The following EYS variants were observed in gnomAD, a reference collection of about 807,000 sequenced individuals.
EYS encodes the protein EGF-like photoreceptor maintenance factor.
In EYS, 250 loss-of-function variants were observed where a neutral mutation model predicts 282.1. That is an observed-to-expected ratio of 0.89 (90% CI 0.80 to 0.98). The LOEUF is 0.98. Ranked by LOEUF, EYS falls within the 50% of genes least tolerant of loss-of-function variation. The pLI, the probability that EYS is intolerant of heterozygous loss-of-function variation, is 0.00. For missense variants in EYS, 4,016 were observed against 3,709.0 expected, an observed-to-expected ratio of 1.08 and a Z score of -2.15; for synonymous variants, 1,355 against 1,282.9, an observed-to-expected ratio of 1.06 and a Z score of -1.20.
intron 1 of EYS, among the ~76,000 whole-genome samples, chr6:65,644,980 T>G (rs536619386): frequency 1.3e-5 from 2 of 152,184 alleles, no homozygotes; most frequent in East Asian, 1.9e-4. Context: ...AGGACTTATA[T>G]AACAATAACA....
intron 24 of EYS, among the ~76,000 whole-genome samples, chr6:64,611,377 C>T (rs143957100): frequency 6.6e-6 from 1 of 152,160 alleles, no homozygotes; most frequent in Non-Finnish European, 1.5e-5. Flanking sequence ...TCTTTCCTAA[C>T]GACTACTTTA....
At chr6:64,487,546 A>C (rs1364150391) in intron 26 of EYS, among the ~76,000 whole-genome samples, 1 of 150,948 alleles carries the variant, frequency 6.6e-6, no homozygotes, top group Non-Finnish European at 1.5e-5. Context: ...TTATCAGTGA[A>C]GTGTCAATAT....
At position 63,984,432 on chromosome 6, in the gene EYS, C is replaced by T. The variant is rs74848648; in HGVS notation, c.7006G>A (p.Val2336Ile). 7.3e-4 allele frequency: 1,134 copies of T among 1,549,586 alleles called. 8 individuals carry two copies. The African/African-American group carries it at 0.013, about 18-fold the overall frequency. ...CACAGATGATGAGCACACCAAGGGA[C>T]GTGGCAGTTCTCAATATTCTTTCCA... ...RHGKNIENCH[V>I]PWCAHHLCRN... The change falls in exon 35 of 43, where the codon GTC (valine) becomes ATC (isoleucine). Residue 2336 changes from valine to isoleucine, a missense_variant. Val to Ile is a conservative substitution (Grantham distance 29). Transcript: ENST00000503581.
intron 35 of EYS, among the ~76,000 whole-genome samples, chr6:63,903,866 A>G (rs1773713122): frequency 6.6e-6 from 1 of 152,210 alleles, no homozygotes; most frequent in Non-Finnish European, 1.5e-5. Flanking sequence ...ATTTAGTCTC[A>G]CTGTGTGAGA....
At chr6:64,175,563 C>G (rs78749362) in intron 31 of EYS, among the ~76,000 whole-genome samples, 9,724 of 152,274 alleles carry the variant, frequency 0.064, 415 homozygotes, top group Non-Finnish European at 0.092. Context: ...GCTTCTGTCT[C>G]TTTGTGGTGA....
chr6:64,421,069 C>T (rs780469556), intron 28 of EYS, among the ~76,000 whole-genome samples: 3 of 152,156 alleles, frequency 2.0e-5, no homozygotes, highest in Non-Finnish European at 2.9e-5. Flanking sequence ...TCCATTCTCA[C>T]ACTGCTAATA....
intron 22 of EYS, among the ~76,000 whole-genome samples, chr6:64,746,366 T>G (rs1052954225): frequency 6.6e-6 from 1 of 151,966 alleles, no homozygotes; most frequent in Non-Finnish European, 1.5e-5. Flanking sequence ...CCCTTCACCA[T>G]GAGATAATGT....
intron 8 of EYS, among the ~76,000 whole-genome samples, chr6:65,370,496 C>G (rs1165165605): frequency 6.6e-6 from 1 of 150,942 alleles, no homozygotes; most frequent in African/African-American, 2.4e-5. Flanking sequence ...CTCAAGCCAT[C>G]CTTCTATCTC....
chr6:64,111,872 A>G (rs146402975), intron 31 of EYS, among the ~76,000 whole-genome samples: 68 of 152,180 alleles, frequency 4.5e-4, no homozygotes, highest in Admixed American at 7.2e-4. Context: ...GGAAGCATAA[A>G]TACCAAATAC....
intron 22 of EYS, among the ~76,000 whole-genome samples, chr6:64,659,744 A>T (rs1200533948): frequency 6.6e-6 from 1 of 152,172 alleles, no homozygotes; most frequent in African/African-American, 2.4e-5. Context: ...GCAAAAACTA[A>T]GAGCTTACCA....
chr6:63,946,652 G>A (rs1765405248), intron 35 of EYS, among the ~76,000 whole-genome samples: 1 of 151,432 alleles, frequency 6.6e-6, no homozygotes, highest in Admixed American at 6.6e-5. Context: ...CAGTTACATA[G>A]TAAACAGAGT....
chr6:64,136,571 G>A lies in EYS; in HGVS notation c.6425-54569C>T, dbSNP rs529976195. Among the ~76,000 whole-genome samples the A allele has an allele frequency of 3.3e-5, 5 of 152,172 alleles. No individual in the cohort carries two copies. In the South Asian group the frequency reaches 1.0e-3, roughly 31 times the overall value. On this transcript the variant is annotated intron_variant, in intron 31 of 42. Transcript: ENST00000503581. ...GAAATTACCCCTTAATCCAATGACT[G>A]CAGAATGGATGTTGTATTGTCAGGC...
chr6:65,361,711 G>A (rs371838614), intron 8 of EYS, among the ~76,000 whole-genome samples: 1 of 152,020 alleles, frequency 6.6e-6, no homozygotes, highest in East Asian at 1.9e-4. Context: ...CAGCTCATGA[G>A]GTCAAGTGAT....
At chr6:64,872,622 G>A (rs747673779) in intron 19 of EYS, among the ~76,000 whole-genome samples, 5 of 151,980 alleles carry the variant, frequency 3.3e-5, no homozygotes, top group South Asian at 4.1e-4. Context: ...ATGAGAAAAT[G>A]TAAATCAATA....
chr6:63,970,415 C>A (rs1047467424), intron 35 of EYS, among the ~76,000 whole-genome samples: 1 of 152,254 alleles, frequency 6.6e-6, no homozygotes, highest in African/African-American at 2.4e-5. Context: ...GTGGCCAGAT[C>A]ACTAGGTCAG....
chr6:65,594,816 A>G (rs1056742294), intron 2 of EYS, among the ~76,000 whole-genome samples: 1 of 152,076 alleles, frequency 6.6e-6, no homozygotes, highest in African/African-American at 2.4e-5. Context: ...TTAAGTCTTT[A>G]ATCCATCTTG....
intron 31 of EYS, among the ~76,000 whole-genome samples, chr6:64,190,220 CTG>C (rs1483528367): frequency 6.6e-6 from 1 of 152,138 alleles, no homozygotes; most frequent in African/African-American, 2.4e-5. Context: ...CTAAATGAAA[CTG>C]TACCCTCAGG....
At chr6:65,493,569 T>C (rs1562220219) in intron 4 of EYS, among the ~76,000 whole-genome samples, 2 of 152,148 alleles carry the variant, frequency 1.3e-5, no homozygotes, top group Non-Finnish European at 2.9e-5. Context: ...ATTTTTTCAG[T>C]CTTTCTCCTC....
intron 1 of EYS, among the ~76,000 whole-genome samples, chr6:65,700,114 C>CAAAAAAAAAAAAAAAA (rs1178482636): frequency 1.4e-4 from 7 of 51,792 alleles, no homozygotes; most frequent in East Asian, 6.2e-4. Context: ...GACTCCGTCT[C>CAAAAAAAAAAAAAAAA]AAAAAAAAAA....
Sources: allele counts gnomAD v4.1 joint callset (sites outside exome capture counted in the v4.1 genomes callset), GRCh38; gene constraint gnomAD v4.1.1; transcripts MANE v1.5; gene names NCBI Gene and HGNC (gene_info 2026-07-23, HGNC 2026-07-21).